The following HERPUD2 variants were observed in gnomAD, a reference collection of about 807,000 sequenced individuals.
The protein encoded by HERPUD2 is HERPUD family member 2.
In HERPUD2, 13 loss-of-function variants were observed where a neutral mutation model predicts 49.9. That is an observed-to-expected ratio of 0.26 (90% CI 0.17 to 0.41). The LOEUF is 0.41. Ranked by LOEUF, HERPUD2 falls within the 10% of genes least tolerant of loss-of-function variation. The pLI, the probability that HERPUD2 is intolerant of heterozygous loss-of-function variation, is 1.00. For missense variants in HERPUD2, 449 were observed against 492.2 expected (o/e 0.91, Z 0.83); for synonymous variants, 172 against 171.4 (o/e 1.00, Z -0.03).
chr7:35,653,910 G>C (rs1583548027), intron 5 of HERPUD2, among the ~76,000 whole-genome samples: 1 of 152,120 alleles, frequency 6.6e-6, no homozygotes, highest in Non-Finnish European at 1.5e-5. Context: ...TGAGGCAGAA[G>C]GACTGTTTCA....
chr7:35,652,013 C>T (rs892856385), intron 5 of HERPUD2, among the ~76,000 whole-genome samples: 1 of 152,156 alleles, frequency 6.6e-6, no homozygotes, highest in Non-Finnish European at 1.5e-5. Flanking sequence ...AGAGGCAAAA[C>T]TCCTTATCTG....
At chr7:35,686,404 G>T (rs1159840558) in intron 2 of HERPUD2, among the ~76,000 whole-genome samples, 7 of 150,058 alleles carry the variant, frequency 4.7e-5, no homozygotes, top group Admixed American at 3.3e-4. Context: ...AGCCAGCATG[G>T]TCTCGATCTC....
Position 35,670,285 on chromosome 7 carries a change from G to T in HERPUD2, c.269C>A (p.Thr90Asn). 1.3e-6 allele frequency: 2 copies of T among 1,586,682 alleles called. No homozygotes were observed. Among genetic ancestry groups the T allele is most frequent in the Non-Finnish European group, 1.7e-6 (2 of 1,164,236 alleles). Residue 90 changes from threonine (T) to asparagine (N), a missense_variant, in exon 4 of 9, where the codon ACT (threonine) becomes AAT (asparagine). Thr to Asn is a moderately conservative substitution (Grantham distance 65). Coordinates refer to ENST00000311350, the MANE Select transcript of HERPUD2 (RefSeq NM_022373.5). ...HMVHLVCTSR[T>N]PPSSPKSSTN... ...GCTGGATTTTGGAGAACTGGGAGGA[G>T]TCCGAGAAGTACATACTAGATGAAC...
intron 2 of HERPUD2, among the ~76,000 whole-genome samples, chr7:35,692,400 T>C (rs1412744432): frequency 6.6e-6 from 1 of 152,204 alleles, no homozygotes; most frequent in Non-Finnish European, 1.5e-5. Context: ...CTCGCCTACG[T>C]ACATACCAGA....
At chr7:35,654,623 A>G (rs1047427893) in intron 5 of HERPUD2, among the ~76,000 whole-genome samples, 15 of 150,960 alleles carry the variant, frequency 9.9e-5, no homozygotes, top group African/African-American at 3.6e-4. Flanking sequence ...AAATCTCCCA[A>G]CAAAGAAAAG....
intron 6 of HERPUD2, among the ~76,000 whole-genome samples, chr7:35,637,410 T>C (rs182286912): frequency 1.3e-5 from 2 of 152,292 alleles, no homozygotes; most frequent in African/African-American, 2.4e-5. Context: ...AAGCTGTTTA[T>C]GGTTAAGAGC....
intron 6 of HERPUD2, among the ~76,000 whole-genome samples, chr7:35,635,770 G>T (rs1460886415): frequency 1.3e-5 from 2 of 152,232 alleles, no homozygotes; most frequent in African/African-American, 4.8e-5. Flanking sequence ...CAGCTAATGA[G>T]ATGTCCAAAC....
At chr7:35,658,419 G>C (rs1785330416) in intron 5 of HERPUD2, among the ~76,000 whole-genome samples, 1 of 152,020 alleles carries the variant, frequency 6.6e-6, no homozygotes, top group Non-Finnish European at 1.5e-5. Context: ...ACTATAGTTA[G>C]CAACAATGCT....
chr7:35,686,830 T>G (rs1026721998), intron 2 of HERPUD2, among the ~76,000 whole-genome samples: 712 of 3,194 alleles, frequency 0.22, 24 homozygotes, highest in African/African-American at 0.32. Context: ...GGTGGGGGGG[T>G]GGGGGGGGGC....
At chr7:35,674,442 G>T (rs1262270702) in intron 2 of HERPUD2, among the ~76,000 whole-genome samples, 13 of 130,488 alleles carry the variant, frequency 1.0e-4, no homozygotes, top group Non-Finnish European at 1.7e-4. Flanking sequence ...GAGAGAGAGA[G>T]AGAGAGAGAG....
chr7:35,682,628 G>A (rs1261940516), intron 2 of HERPUD2, among the ~76,000 whole-genome samples: 4 of 151,454 alleles, frequency 2.6e-5, no homozygotes, highest in South Asian at 2.1e-4. Flanking sequence ...TCGAACTGTC[G>A]CTGTTTGACA....
At chr7:35,680,859 C>T (rs763428186) in intron 2 of HERPUD2, among the ~76,000 whole-genome samples, 8 of 152,174 alleles carry the variant, frequency 5.3e-5, no homozygotes, top group Non-Finnish European at 1.0e-4. Context: ...ACAAAGGGTC[C>T]GTAGCCATCT....
chr7:35,681,255 T>C (rs1393979801), intron 2 of HERPUD2, among the ~76,000 whole-genome samples: 1 of 152,192 alleles, frequency 6.6e-6, no homozygotes, highest in Non-Finnish European at 1.5e-5. Flanking sequence ...TTCAGAAATG[T>C]AGAACATACA....
intron 2 of HERPUD2, among the ~76,000 whole-genome samples, chr7:35,674,037 T>C (rs778109835): frequency 3.6e-4 from 55 of 152,240 alleles, no homozygotes; most frequent in Admixed American, 8.5e-4. Context: ...CTTTGAATTT[T>C]ATCAAAACAA....
rs572195407 is a variant in HERPUD2, at chr7:35,678,162, A to C, written c.148-4884T>G. 3.9e-5 allele frequency among the ~76,000 whole-genome samples: 6 copies of C among 152,206 alleles called. No homozygotes were observed. The East Asian group carries it at 1.2e-3, about 29-fold the overall frequency. ...GACTAACAGCAGGCTGTGTATGTTC[A>C]TTATGCATAAGAACATGATTTGGAT... On this transcript the variant is annotated intron_variant, in intron 2 of 8. Coordinates refer to ENST00000311350, the MANE Select transcript of HERPUD2 (RefSeq NM_022373.5).
At chr7:35,644,489 C>T (rs1785016236) in intron 5 of HERPUD2, among the ~76,000 whole-genome samples, 1 of 152,154 alleles carries the variant, frequency 6.6e-6, no homozygotes. Context: ...ATCAACCTGC[C>T]AGGGGCAGTG....
chr7:35,685,325 G>GTT (rs60181158), intron 2 of HERPUD2, among the ~76,000 whole-genome samples: 5 of 125,146 alleles, frequency 4.0e-5, no homozygotes, highest in Non-Finnish European at 6.7e-5. Flanking sequence ...AATTTTTTTT[G>GTT]TTTTTTTTTT....
intron 5 of HERPUD2, among the ~76,000 whole-genome samples, chr7:35,660,005 T>C (rs1011158526): frequency 3.9e-5 from 6 of 152,120 alleles, no homozygotes; most frequent in South Asian, 2.1e-4. Context: ...ATTAGGTATA[T>C]CTCCTAAGCT....
chr7:35,689,703 A>C (rs1366194182), intron 2 of HERPUD2, among the ~76,000 whole-genome samples: 1 of 152,216 alleles, frequency 6.6e-6, no homozygotes, highest in African/African-American at 2.4e-5. Context: ...AACCTGCTTA[A>C]CTGATCAGGA....
Sources: allele counts gnomAD v4.1 joint callset (sites outside exome capture counted in the v4.1 genomes callset), GRCh38; gene constraint gnomAD v4.1.1; transcripts MANE v1.5; gene names NCBI Gene and HGNC (gene_info 2026-07-23, HGNC 2026-07-21).